Variants in TAOK3 observed in about 807,000 individuals in gnomAD.
TAOK3 encodes serine/threonine-protein kinase TAO3.
A neutral mutation model predicts 120.4 loss-of-function variants in TAOK3; 40 were observed. That is an observed-to-expected ratio of 0.33 (90% confidence interval 0.26 to 0.43). The LOEUF (loss-of-function observed/expected upper bound fraction) is 0.43, where lower values mean the gene tolerates loss of function less well. Ranked by LOEUF, TAOK3 falls within the 20% of genes least tolerant of loss-of-function variation. The pLI, the probability that TAOK3 is intolerant of heterozygous loss-of-function variation, is 1.00. For synonymous variants in TAOK3, 355 were observed against 387.5 expected (o/e 0.92, Z 0.99); for missense variants, 821 against 1,112.1 (o/e 0.74, Z 3.72).
intron 1 of TAOK3, chr12:118,296,968 A>T (rs926318992): frequency 6.6e-6 from 1 of 152,210 alleles, no homozygotes; most frequent in African/African-American, 2.4e-5. Context: ...CAGGCGGGAC[A>T]TGAACTCTTT....
At chr12:118,221,652 T>TC (rs2039237344) in intron 9 of TAOK3, among the ~76,000 whole-genome samples, 1 of 150,024 alleles carries the variant, frequency 6.7e-6, no homozygotes, top group Non-Finnish European at 1.5e-5. Flanking sequence ...TTTTTTTTTT[T>TC]GAGACAGAGT....
At chr12:118,370,235 C>G (rs2045860130) in intron 1 of TAOK3, among the ~76,000 whole-genome samples, 1 of 152,184 alleles carries the variant, frequency 6.6e-6, no homozygotes, top group South Asian at 2.1e-4. Flanking sequence ...AGAAGAACTG[C>G]TCTGTATCAG....
chr12:118,283,860 G>A (rs776849563), intron 1 of TAOK3, among the ~76,000 whole-genome samples: 10 of 152,126 alleles, frequency 6.6e-5, no homozygotes, highest in African/African-American at 1.7e-4. Context: ...TCTGTTCTGC[G>A]GATTTGGGAA....
intron 1 of TAOK3, among the ~76,000 whole-genome samples, chr12:118,273,779 G>T (rs747515218): frequency 5.2e-4 from 79 of 152,224 alleles, no homozygotes; most frequent in Non-Finnish European, 8.4e-4. Flanking sequence ...TCGTGCCATT[G>T]CACTCCAGCC....
At chr12:118,269,867 T>C (rs964513310) in intron 1 of TAOK3, among the ~76,000 whole-genome samples, 2 of 152,228 alleles carry the variant, frequency 1.3e-5, no homozygotes, top group Non-Finnish European at 2.9e-5. Context: ...AGTTCATCCA[T>C]TGAACCTAAA....
intron 1 of TAOK3, among the ~76,000 whole-genome samples, chr12:118,330,319 T>C (rs1397018978): frequency 2.0e-5 from 3 of 152,246 alleles, no homozygotes; most frequent in East Asian, 3.8e-4. Context: ...TTACGTCTTT[T>C]GTCTGTAACA....
In TAOK3 at chr12:118,234,963, A is replaced by T. The variant is rs76441397; in HGVS notation, c.551+595T>A. Among the ~76,000 whole-genome samples the T allele has an allele frequency of 5.3e-3, 802 of 152,364 alleles. 8 individuals carry two copies. Among genetic ancestry groups the T allele is most frequent in the African/African-American group, 0.019 (776 of 41,578 alleles). Reference sequence around the variant, plus strand: ...TAGTAAATGTTATTTGGTGATAGAAAAAAATTCAAAGACTAGCTGATTTTT... The same window carrying T: ...TAGTAAATGTTATTTGGTGATAGAATAAAATTCAAAGACTAGCTGATTTTT... On this transcript the variant is annotated intron_variant, in intron 8 of 20. Coordinates refer to ENST00000392533, the MANE Select transcript of TAOK3 (RefSeq NM_016281.4).
chr12:118,205,878 T>C (rs1278847815), intron 11 of TAOK3, among the ~76,000 whole-genome samples: 1 of 151,916 alleles, frequency 6.6e-6, no homozygotes, highest in Non-Finnish European at 1.5e-5. Context: ...CCCAAAGTGC[T>C]GGGATTACAG....
intron 17 of TAOK3, among the ~76,000 whole-genome samples, chr12:118,171,599 C>T (rs776964660): frequency 6.6e-6 from 1 of 152,168 alleles, no homozygotes; most frequent in African/African-American, 2.4e-5. Flanking sequence ...TCAAGTGATC[C>T]TTCTGCCTTG....
Position 118,342,070 on chromosome 12 carries a change from AT to A in TAOK3, c.-194+30577del, listed in dbSNP as rs112909777. Among the ~76,000 whole-genome samples, 376 of 149,686 alleles carry A rather than the reference AT, an allele frequency of 2.5e-3. 2 individuals are homozygous for A. Among genetic ancestry groups the A allele is most frequent in the African/African-American group, 8.2e-3 (335 of 40,934 alleles). On this transcript the variant is annotated intron_variant, in intron 1 of 20. Coordinates refer to ENST00000392533, the MANE Select transcript of TAOK3 (RefSeq NM_016281.4). The stretch of plus-strand genomic sequence containing the variant: ...AAATTAAAACCTTCTGTGATCTCTC[AT>A]TTTTTTTTTAACATTTTCACTATTT...
chr12:118,296,413 C>T (rs565493254), intron 1 of TAOK3, among the ~76,000 whole-genome samples: 18 of 152,260 alleles, frequency 1.2e-4, no homozygotes, highest in Admixed American at 7.2e-4. Flanking sequence ...AGATTATAGG[C>T]GTGAGCCACT....
intron 9 of TAOK3, among the ~76,000 whole-genome samples, chr12:118,217,479 A>G (rs1433823127): frequency 6.6e-6 from 1 of 152,042 alleles, no homozygotes; most frequent in African/African-American, 2.4e-5. Flanking sequence ...TGAGGTCAGG[A>G]GTTCAAGACC....
At chr12:118,214,702 G>C (rs187643367) in intron 9 of TAOK3, among the ~76,000 whole-genome samples, 2,328 of 150,690 alleles carry the variant, frequency 0.015, 109 homozygotes, top group Admixed American at 0.097. Flanking sequence ...TGAGTAGCTG[G>C]GACTACAGGT....
chr12:118,172,319 C>A (rs2036043714), intron 17 of TAOK3, 138 bp downstream of exon 17: 2 of 855,750 alleles, frequency 2.3e-6, no homozygotes, highest in Non-Finnish European at 3.7e-6. Context: ...TTTTTGTATA[C>A]CTACTCTGTG....
intron 1 of TAOK3, among the ~76,000 whole-genome samples, chr12:118,288,076 A>AT (rs2042328454): frequency 6.6e-6 from 1 of 151,702 alleles, no homozygotes; most frequent in African/African-American, 2.4e-5. Context: ...TTAGCAAGTT[A>AT]TTTTTTTGTT....
intron 3 of TAOK3, chr12:118,246,264 A>G (rs2040496761): frequency 6.7e-7 from 1 of 1,499,516 alleles, no homozygotes; most frequent in African/African-American, 1.4e-5. Context: ...TAAGGAGTGG[A>G]TGCCCGTCAC....
intron 1 of TAOK3, among the ~76,000 whole-genome samples, chr12:118,282,078 T>G (rs2042118718): frequency 6.6e-6 from 1 of 152,236 alleles, no homozygotes; most frequent in South Asian, 2.1e-4. Flanking sequence ...TCTAGAAGAT[T>G]CCTTGATCTA....
At chr12:118,203,861 A>C (rs778856416) in intron 11 of TAOK3, among the ~76,000 whole-genome samples, 12 of 152,322 alleles carry the variant, frequency 7.9e-5, no homozygotes, top group Admixed American at 1.3e-4. Flanking sequence ...TATCAACCAA[A>C]CAAATAATAA....
Position 118,162,033 on chromosome 12 carries a change from T to C in TAOK3, c.1900-6A>G, listed in dbSNP as rs754626615. The stretch of plus-strand genomic sequence containing the variant: ...GTCCTCTTTTTATTTAGTTCCTGCG[T>C]CCAGGAACAAAAGATAAACGGAGAG... On this transcript the variant is annotated splice_region_variant and splice_polypyrimidine_tract_variant and intron_variant, in intron 17 of 20. Transcript: ENST00000392533. 6.2e-7 allele frequency: 1 copy of C among 1,610,874 alleles called. No homozygotes were observed. The highest frequency in any genetic ancestry group is 8.5e-7 in the Non-Finnish European group (1 of 1,177,404).
Sources: allele counts gnomAD v4.1 joint callset (sites outside exome capture counted in the v4.1 genomes callset), GRCh38; gene constraint gnomAD v4.1.1; transcripts MANE v1.5; gene names NCBI Gene and HGNC (gene_info 2026-07-23, HGNC 2026-07-21).